The following MYLK variants were observed in gnomAD, a reference collection of about 807,000 sequenced individuals.
The protein encoded by MYLK is myosin light chain kinase, smooth muscle.
MYLK carries 106 observed loss-of-function variants against 203.4 expected under a neutral mutation model. The ratio of observed to expected loss-of-function variants is 0.52; its 90% CI spans 0.45 to 0.61. MYLK has a LOEUF of 0.61. Among genes scored for constraint, MYLK ranks in the 20% least tolerant of loss-of-function variants. The pLI is 0.00. For synonymous variants in MYLK, 867 were observed against 959.5 expected (o/e 0.90, Z 1.78); for missense variants, 2,072 against 2,442.3 (o/e 0.85, Z 3.20).
chr3:123,814,567 G>T (rs925250795), intron 3 of MYLK, among the ~76,000 whole-genome samples: 1 of 152,030 alleles, frequency 6.6e-6, no homozygotes, highest in African/African-American at 2.4e-5. Flanking sequence ...TTCTATGTAT[G>T]TACTTTTAAA....
chr3:123,791,184 T>A (rs1188681234), intron 4 of MYLK, among the ~76,000 whole-genome samples: 1 of 152,168 alleles, frequency 6.6e-6, no homozygotes, highest in African/African-American at 2.4e-5. Flanking sequence ...CAGTGAAGGC[T>A]GACATGCATT....
chr3:123,852,895 A>T (rs1401127003), intron 2 of MYLK, among the ~76,000 whole-genome samples: 1 of 152,178 alleles, frequency 6.6e-6, no homozygotes, highest in African/African-American at 2.4e-5. Context: ...TTGGAAAATA[A>T]AACTGTACCT....
At chr3:123,684,158 G>T (rs1167892059) in intron 19 of MYLK, among the ~76,000 whole-genome samples, 3 of 152,188 alleles carry the variant, frequency 2.0e-5, no homozygotes, top group African/African-American at 7.2e-5. Flanking sequence ...AGCCTCGGTG[G>T]ATCTCAGCCT....
chr3:123,817,041 T>C (rs1238692539), intron 3 of MYLK, among the ~76,000 whole-genome samples: 1 of 152,134 alleles, frequency 6.6e-6, no homozygotes, highest in African/African-American at 2.4e-5. Flanking sequence ...TGTCAGCAGA[T>C]TGGGTAATTA....
chr3:123,666,914 T>C (rs1159327802), intron 21 of MYLK: 9 of 606,732 alleles, frequency 1.5e-5, no homozygotes, highest in African/African-American at 3.9e-5. Flanking sequence ...GGGAGGCAGA[T>C]GGAAAGACAA....
chr3:123,733,546 T>C, intron 10 of MYLK, 141 bp downstream of exon 10: 1 of 1,017,202 alleles, frequency 9.8e-7, no homozygotes, highest in Non-Finnish European at 1.5e-6. Flanking sequence ...GGGAAGGCCC[T>C]TGTAAGGTGG....
intron 4 of MYLK, among the ~76,000 whole-genome samples, chr3:123,754,333 T>G (rs1444628535): frequency 1.3e-5 from 2 of 152,152 alleles, no homozygotes; most frequent in African/African-American, 4.8e-5. Context: ...CCCCACTAAT[T>G]TGTGGTCAAG....
At chr3:123,774,532 G>A (rs1347107276) in intron 4 of MYLK, among the ~76,000 whole-genome samples, 1 of 152,122 alleles carries the variant, frequency 6.6e-6, no homozygotes, top group African/African-American at 2.4e-5. Flanking sequence ...TTTACACAAG[G>A]TCCCCAGATT....
chr3:123,630,382 T>C (rs1241195042), intron 29 of MYLK: 1 of 152,230 alleles, frequency 6.6e-6, no homozygotes, highest in East Asian at 1.9e-4. Flanking sequence ...CAGCAGACAT[T>C]CATTGAGGTT....
intron 11 of MYLK, among the ~76,000 whole-genome samples, chr3:123,730,543 A>G (rs1451930729): frequency 6.6e-6 from 1 of 152,256 alleles, no homozygotes; most frequent in Non-Finnish European, 1.5e-5. Flanking sequence ...ACTGTATGCT[A>G]TACCCATACA....
At chr3:123,857,100 C>A (rs531205714) in intron 2 of MYLK, among the ~76,000 whole-genome samples, 9 of 152,150 alleles carry the variant, frequency 5.9e-5, no homozygotes, top group East Asian at 1.9e-4. Flanking sequence ...CAATGAGATA[C>A]CATCTCACAC....
chr3:123,697,087 C>T (rs2060960259), intron 18 of MYLK, among the ~76,000 whole-genome samples: 1 of 152,218 alleles, frequency 6.6e-6, no homozygotes, highest in African/African-American at 2.4e-5. Flanking sequence ...TTGGCTGTAA[C>T]AATTTTATCA....
intron 3 of MYLK, among the ~76,000 whole-genome samples, chr3:123,820,872 C>T (rs974196609): frequency 2.0e-5 from 3 of 152,038 alleles, no homozygotes; most frequent in African/African-American, 7.2e-5. Context: ...TACGAGTGTG[C>T]ACCACCACAC....
At chr3:123,841,251 C>T (rs1413055013) in intron 2 of MYLK, among the ~76,000 whole-genome samples, 2 of 152,028 alleles carry the variant, frequency 1.3e-5, no homozygotes, top group South Asian at 2.1e-4. Flanking sequence ...GGAGTATAGA[C>T]TTGATGAATT....
At chr3:123,763,805 C>A (rs2063613783) in intron 4 of MYLK, among the ~76,000 whole-genome samples, 1 of 152,174 alleles carries the variant, frequency 6.6e-6, no homozygotes, top group Non-Finnish European at 1.5e-5. Context: ...TGTTCACTGT[C>A]CGTCAGACCG....
At chr3:123,832,866 G>A (rs1042780137) in intron 2 of MYLK, among the ~76,000 whole-genome samples, 9 of 152,146 alleles carry the variant, frequency 5.9e-5, no homozygotes, top group African/African-American at 1.9e-4. Context: ...TGTCATAGCA[G>A]CACAGATAGA....
intron 17 of MYLK, among the ~76,000 whole-genome samples, 172 bp from the exon 18 acceptor site, chr3:123,701,177 C>G (rs114728686): frequency 1.6e-3 from 236 of 148,420 alleles, no homozygotes; most frequent in African/African-American, 5.5e-3. Flanking sequence ...GAGAGGCGCT[C>G]GCTTGCTTAG....
intron 4 of MYLK, among the ~76,000 whole-genome samples, chr3:123,792,527 T>C (rs1018406855): frequency 2.0e-5 from 3 of 152,198 alleles, no homozygotes; most frequent in South Asian, 2.1e-4. Flanking sequence ...TTCATATAAA[T>C]AGAATCCTAT....
intron 26 of MYLK, among the ~76,000 whole-genome samples, chr3:123,647,916 T>G (rs573428741): frequency 4.7e-4 from 71 of 152,176 alleles, no homozygotes; most frequent in African/African-American, 1.7e-3. Flanking sequence ...TCTCTTCCCC[T>G]CCCTGCAGTG....
Sources: gnomAD v4.1 joint callset for allele counts (sites outside exome capture counted in the v4.1 genomes callset) on GRCh38, gnomAD v4.1.1 for gene constraint, MANE v1.5 for transcripts, NCBI Gene and HGNC (gene_info 2026-07-23, HGNC 2026-07-21) for gene names.